NFIB: variants seen among roughly 807,000 people sequenced by gnomAD.
NFIB encodes the protein nuclear factor 1 B-type.
Under a neutral mutation model 61.5 loss-of-function variants are expected in NFIB, and 11 were observed. That is an observed-to-expected ratio of 0.18 (90% CI 0.11 to 0.30). The LOEUF is 0.30. Ranked by LOEUF, NFIB falls within the 10% of genes least tolerant of loss-of-function variation. NFIB has a pLI of 1.00. For synonymous variants in NFIB, 260 were observed against 216.5 expected (o/e 1.20, Z -1.76); for missense variants, 471 against 608.9 (o/e 0.77, Z 2.38).
At chr9:14,280,396 C>G (rs2058291168) in intron 2 of NFIB, among the ~76,000 whole-genome samples, 1 of 152,136 alleles carries the variant, frequency 6.6e-6, no homozygotes, top group South Asian at 2.1e-4. Flanking sequence ...TCTACATTCA[C>G]CACCCCCTTC....
chr9:14,525,601 G>T, the NFIB span, among the ~76,000 whole-genome samples: 1 of 152,072 alleles, frequency 6.6e-6, no homozygotes, highest in Non-Finnish European at 1.5e-5. Context: ...TAAAATCATG[G>T]TATTTAATGA....
At chr9:14,458,153 A>G in the NFIB span, among the ~76,000 whole-genome samples, 9 of 152,188 alleles carry the variant, frequency 5.9e-5, no homozygotes, top group Non-Finnish European at 1.2e-4. Flanking sequence ...GCAGCACATC[A>G]AAAACTTATC....
intron 2 of NFIB, among the ~76,000 whole-genome samples, chr9:14,292,311 A>G (rs1384293099): frequency 6.6e-6 from 1 of 152,110 alleles, no homozygotes; most frequent in East Asian, 1.9e-4. Context: ...CAAGTTAAAG[A>G]CCTCTTTCTT....
intron 10 of NFIB, chr9:14,096,607 T>A (rs914677960): frequency 6.6e-6 from 1 of 152,182 alleles, no homozygotes; most frequent in Non-Finnish European, 1.5e-5. Flanking sequence ...TGGTCCATTG[T>A]TCCCCCAACC....
chr9:14,425,804 A>G, the NFIB span, among the ~76,000 whole-genome samples: 79 of 152,132 alleles, frequency 5.2e-4, no homozygotes, highest in African/African-American at 1.8e-3. Context: ...CCCAACACAT[A>G]GAGTAGCACC....
upstream of NFIB, among the ~76,000 whole-genome samples, chr9:14,315,527 C>T (rs1382194730): frequency 1.4e-5 from 2 of 142,634 alleles, no homozygotes; most frequent in African/African-American, 2.5e-5. Flanking sequence ...GGGGCCGCGG[C>T]GCGCCCGGGG....
the NFIB span, among the ~76,000 whole-genome samples, chr9:14,445,291 AT>A: frequency 1.3e-5 from 2 of 151,968 alleles, no homozygotes; most frequent in Admixed American, 1.3e-4. Flanking sequence ...AATCATTTCT[AT>A]TTTTTTATTA....
In NFIB at chr9:14,120,939, TA is replaced by T. The variant is rs1276052287; in HGVS notation, c.1061-316del. Among the ~76,000 whole-genome samples, 3 of 152,192 alleles carry T rather than the reference TA, an allele frequency of 2.0e-5. No individual in the cohort carries two copies. The highest frequency in any genetic ancestry group is 4.4e-5 in the Non-Finnish European group (3 of 68,040). On this transcript the variant is annotated intron_variant, in intron 7 of 10. Coordinates refer to ENST00000380953, the MANE Select transcript of NFIB (RefSeq NM_001190737.2). This position sits in a 1 kb window ranked among gnomAD's most constrained non-coding sequence, Gnocchi z 4.4. Reference sequence around the variant, plus strand: ...GATAAAACACTTCTTTGAGCAAAGATATATCCCGTTGAAAACATATTCTTTG... The same window carrying T: ...GATAAAACACTTCTTTGAGCAAAGATTATCCCGTTGAAAACATATTCTTTG...
At chr9:14,467,727 T>C in the NFIB span, among the ~76,000 whole-genome samples, 53 of 152,202 alleles carry the variant, frequency 3.5e-4, no homozygotes, top group Non-Finnish European at 6.2e-4. Flanking sequence ...CCAAGCTCTG[T>C]TTTAGGTGCT....
At chr9:14,386,327 G>A (rs1361040353) in intron 1 of NFIB, among the ~76,000 whole-genome samples, 1 of 152,156 alleles carries the variant, frequency 6.6e-6, no homozygotes, top group Non-Finnish European at 1.5e-5. Context: ...GCTTGGATGA[G>A]TTAGTTTCTT....
intron 2 of NFIB, among the ~76,000 whole-genome samples, chr9:14,200,846 T>C (rs1273313529): frequency 6.6e-6 from 1 of 152,216 alleles, no homozygotes; most frequent in East Asian, 1.9e-4. Context: ...TGTATCTCCA[T>C]ATCTAGCCCT....
intron 9 of NFIB, 66 bp from the exon 10 acceptor site, chr9:14,113,147 G>T: frequency 7.2e-7 from 1 of 1,394,882 alleles, no homozygotes. Context: ...CCCTGTCCAT[G>T]TATAAGAAAC....
At chr9:14,526,754 T>C in the NFIB span, among the ~76,000 whole-genome samples, 1 of 152,224 alleles carries the variant, frequency 6.6e-6, no homozygotes. Context: ...GTTTCAATGA[T>C]GTCGTGAGCA....
At chr9:14,091,195 A>C (rs1587072704) in intron 10 of NFIB, among the ~76,000 whole-genome samples, 1 of 152,054 alleles carries the variant, frequency 6.6e-6, no homozygotes, top group Non-Finnish European at 1.5e-5. Flanking sequence ...CTTATTGCCA[A>C]TTTAAGTTCA....
intron 1 of NFIB, among the ~76,000 whole-genome samples, chr9:14,377,043 C>T (rs2061428660): frequency 6.6e-6 from 1 of 152,170 alleles, no homozygotes; most frequent in South Asian, 2.1e-4. Context: ...CCTTTCACCC[C>T]AAATTCTGAG....
intron 2 of NFIB, among the ~76,000 whole-genome samples, chr9:14,290,370 C>G (rs1459261345): frequency 6.6e-6 from 1 of 151,972 alleles, no homozygotes; most frequent in Non-Finnish European, 1.5e-5. Flanking sequence ...AAAGGGAGAC[C>G]AAGTCTTCTG....
At chr9:14,284,822 G>C (rs2058605581) in intron 2 of NFIB, among the ~76,000 whole-genome samples, 1 of 152,176 alleles carries the variant, frequency 6.6e-6, no homozygotes, top group East Asian at 1.9e-4. Flanking sequence ...TTTATCATAA[G>C]TCAACAATGA....
chr9:14,380,442 G>A (rs1423468258), intron 1 of NFIB, among the ~76,000 whole-genome samples: 1 of 152,172 alleles, frequency 6.6e-6, no homozygotes, highest in African/African-American at 2.4e-5. Context: ...ATCGGCACAG[G>A]TTAAAACTAA....
At chr9:14,501,355 T>G in the NFIB span, among the ~76,000 whole-genome samples, 13 of 152,350 alleles carry the variant, frequency 8.5e-5, no homozygotes, top group East Asian at 2.5e-3. Flanking sequence ...CTTTCTGGCC[T>G]CTTTGGTATA....
Sources: allele counts gnomAD v4.1 joint callset (sites outside exome capture counted in the v4.1 genomes callset), GRCh38; gene constraint gnomAD v4.1.1; non-coding constraint Gnocchi (gnomAD v3.1); transcripts MANE v1.5; gene names NCBI Gene and HGNC (gene_info 2026-07-23, HGNC 2026-07-21).